Variants in ACSL1 observed in about 807,000 individuals in gnomAD.
ACSL1 encodes the protein long-chain-fatty-acid--CoA ligase 1.
Under a neutral mutation model 98.4 loss-of-function variants are expected in ACSL1, and 41 were observed. That is an observed-to-expected ratio of 0.42 (90% CI 0.32 to 0.54). The LOEUF is 0.54. Ranked by LOEUF, ACSL1 falls within the 20% of genes least tolerant of loss-of-function variation. The pLI is 0.13. For synonymous variants in ACSL1, 316 were observed against 322.7 expected (o/e 0.98, Z 0.22); for missense variants, 734 against 883.1 (o/e 0.83, Z 2.14).
chr4:184,826,064 A>G (rs1773469763), upstream of ACSL1: 1 of 138,642 alleles, frequency 7.2e-6, no homozygotes, highest in Non-Finnish European at 1.6e-5. Flanking sequence ...CTGAGCCAGG[A>G]TGCTGCTGGT....
chr4:184,766,114 G>GCCCTCATGAT lies in ACSL1; in HGVS notation c.1264-129_1264-128insATCATGAGGG. 1.3e-6 allele frequency: 1 copy of GCCCTCATGAT among 798,018 alleles called. No individual in the cohort carries two copies. Among genetic ancestry groups the GCCCTCATGAT allele is most frequent in the Non-Finnish European group, 2.0e-6 (1 of 494,616 alleles). The allele number at this position is 798,018 out of a possible 1,614,324, so 49.4% of individuals were successfully genotyped here. On this transcript the variant is annotated intron_variant, in intron 13 of 20. Transcript: ENST00000281455. This position sits in a 1 kb window ranked among gnomAD's most constrained non-coding sequence, Gnocchi z 4.8. ...GCTGCAGACCACACGGAGGCCACAC[G>GCCCTCATGAT]GAGAACTCACAGCCCTCATGATGGC... is the stretch of plus-strand genomic sequence containing the variant.
At chr4:184,801,879 C>T (rs1300287031) in intron 2 of ACSL1, among the ~76,000 whole-genome samples, 1 of 152,236 alleles carries the variant, frequency 6.6e-6, no homozygotes, top group African/African-American at 2.4e-5. Context: ...GTAAGTGCCC[C>T]CACAATTTCT....
rs777226318 is a variant in ACSL1 at position 184,773,849 on chromosome 4, C to A, written c.783G>T (p.Lys261Asn). 1.9e-6 allele frequency: 3 copies of A among 1,613,892 alleles called. No individual in the cohort carries two copies. The South Asian group carries it at 3.3e-5, about 18-fold the overall frequency. Reference sequence around the variant, plus strand: ...TCTGACACGGTGTGCTTACCTTGGGCTTCCGTCTGTTGGCTCTTCCCAGGT... The same window carrying A: ...TCTGACACGGTGTGCTTACCTTGGGATTCCGTCTGTTGGCTCTTCCCAGGT... Reference protein sequence around the residue: ...MEDLGRANRRKPKPPAPEDLA... With the variant: ...MEDLGRANRRNPKPPAPEDLA... The change falls in exon 8 of 21, where the codon AAG becomes AAT. Residue 261 changes from lysine (K) to asparagine (N), a missense_variant. Lys to Asn is a moderately conservative substitution (Grantham distance 94). Transcript: ENST00000281455. The surrounding 1 kb of genome is among the most constrained non-coding windows in gnomAD (Gnocchi z 4.3).
chr4:184,812,980 T>C (rs780246714), intron 1 of ACSL1, among the ~76,000 whole-genome samples: 14 of 152,090 alleles, frequency 9.2e-5, no homozygotes, highest in Non-Finnish European at 1.9e-4. Flanking sequence ...GGCGGCCACC[T>C]GAGATGTACG....
Position 184,760,357 on chromosome 4 carries a change from C to T in ACSL1, c.1782G>A (p.Gln594=). Residue 594 remains glutamine, a splice_region_variant and synonymous_variant, in exon 18 of 21, where the codon CAG becomes CAA. Coordinates refer to ENST00000281455, the MANE Select transcript of ACSL1 (RefSeq NM_001995.5). ...GATTCAAGACCCAGAAAGCACATACCTGCAGGCTTTCTCCGTGGACAAACA... is the reference window on the plus strand; with the variant it reads ...GATTCAAGACCCAGAAAGCACATACTTGCAGGCTTTCTCCGTGGACAAACA... ...AQVFVHGESL[Q]AFLIAIVVPD... 1 of 1,614,068 alleles carries T rather than the reference C, an allele frequency of 6.2e-7. No individual in the cohort carries two copies. Among genetic ancestry groups the T allele is most frequent in the Non-Finnish European group, 8.5e-7 (1 of 1,179,968 alleles).
At position 184,773,099 on chromosome 4, in the gene ACSL1, AGCTGAACAATC is replaced by A; in HGVS notation, c.886_896del (p.Asp296PhefsTer15). The A allele has an allele frequency of 6.2e-7, 1 of 1,614,032 alleles. No homozygotes were observed. The highest frequency in any genetic ancestry group is 8.5e-7 in the Non-Finnish European group (1 of 1,179,874). On this transcript the variant is annotated frameshift_variant, in exon 10 of 21. Transcript: ENST00000281455. LOFTEE classifies it high-confidence loss of function. This position sits in a 1 kb window ranked among gnomAD's most constrained non-coding sequence, Gnocchi z 4.3. Reference sequence around the variant, plus strand: ...AAGTTACCTCTGTTGCTTTCACAAAAGCTGAACAATCGCTCACTATGTTTCGGTGAGTGACC... The same window carrying A: ...AAGTTACCTCTGTTGCTTTCACAAAAGCTCACTATGTTTCGGTGAGTGACC...
intron 1 of ACSL1, chr4:184,815,147 C>T (rs569195165): frequency 6.6e-6 from 3 of 455,346 alleles, no homozygotes; most frequent in Non-Finnish European, 1.3e-5. Context: ...AAACAGTACG[C>T]ATGCACCAGG....
In ACSL1 at chr4:184,757,138, G is replaced by A. The variant is rs535782938; in HGVS notation, c.2084C>T (p.Thr695Ile). The change falls in exon 21 of 21, where the codon ACT becomes ATT. Residue 695 changes from threonine to isoleucine, a missense_variant. By Grantham distance (89) the Thr-to-Ile change is moderately conservative (BLOSUM62 -1). Transcript: ENST00000281455. This position sits in a 1 kb window ranked among gnomAD's most constrained non-coding sequence, Gnocchi z 4.5. ...FRSQIDDLYS[T>I]IKV Reference sequence around the variant, plus strand: ...TTCTTCTTCACACTAAACCTTGATAGTGGAATAGAGGTCATCTATCTGCGA... The same window carrying A: ...TTCTTCTTCACACTAAACCTTGATAATGGAATAGAGGTCATCTATCTGCGA... 1.0e-5 allele frequency: 16 copies of A among 1,591,558 alleles called. 1 individual carries two copies. Among genetic ancestry groups the A allele is most frequent in the South Asian group, 1.0e-4 (9 of 90,118 alleles).
Position 184,809,616 on chromosome 4 carries a change from C to T in ACSL1, c.-32-6070G>A, listed in dbSNP as rs1449613358. ...GACCATCCTGGCTAACACGGTGAAA[C>T]TCCATCTCTACTAAAAATACAAAAA... On this transcript the variant is annotated intron_variant, in intron 1 of 20. Transcript: ENST00000281455. Among the ~76,000 whole-genome samples, 62 of 151,548 alleles carry T rather than the reference C, an allele frequency of 4.1e-4. 1 individual carries two copies. Among genetic ancestry groups the T allele is most frequent in the Admixed American group, 4.1e-3 (62 of 15,240 alleles).
intron 3 of ACSL1, chr4:184,788,239 G>T (rs1767737012): frequency 8.4e-6 from 3 of 355,714 alleles, no homozygotes; most frequent in African/African-American, 4.3e-5. Flanking sequence ...GCCATCCTGG[G>T]ATGTCAGTAT....
At chr4:184,772,971 G>T in intron 10 of ACSL1, 110 bp downstream of exon 10, 1 of 1,001,514 alleles carries the variant, frequency 1.0e-6, no homozygotes, top group South Asian at 1.5e-5. Context: ...ATGTCACATC[G>T]TTTCTAAATG....
intron 10 of ACSL1, among the ~76,000 whole-genome samples, chr4:184,770,776 C>T (rs1275967554): frequency 6.6e-6 from 1 of 152,082 alleles, no homozygotes; most frequent in Non-Finnish European, 1.5e-5. Context: ...AGTACCTCAA[C>T]ACTGAGGAGA....
chr4:184,810,463 A>G (rs980246176), intron 1 of ACSL1, among the ~76,000 whole-genome samples: 4 of 152,212 alleles, frequency 2.6e-5, no homozygotes, highest in Non-Finnish European at 5.9e-5. Flanking sequence ...ATTAAAAGAC[A>G]TAACATAAAT....
Position 184,770,472 on chromosome 4 carries a change from G to A in ACSL1, c.920C>T (p.Thr307Ile), listed in dbSNP as rs1485539460. Residue 307 changes from threonine to isoleucine, a missense_variant, in exon 11 of 21, where the codon ACA becomes ATA. By Grantham distance (89) the Thr-to-Ile change is moderately conservative. Coordinates refer to ENST00000281455, the MANE Select transcript of ACSL1 (RefSeq NM_001995.5). ...CSAFVKATENTVNPCPDDTLI... is the reference protein window; with the variant it reads ...CSAFVKATENIVNPCPDDTLI... Reference sequence around the variant, plus strand: ...AGTATCATCTGGGCAAGGATTGACTGTATTCTGTAAGCAAAGACACCAGCA... The same window carrying A: ...AGTATCATCTGGGCAAGGATTGACTATATTCTGTAAGCAAAGACACCAGCA... 9.2e-6 allele frequency: 14 copies of A among 1,514,804 alleles called. No homozygotes were observed. Among genetic ancestry groups the A allele is most frequent in the East Asian group, 2.7e-5 (1 of 37,110 alleles). The allele number at this position is 1,514,804 out of a possible 1,614,324, so 93.8% of individuals were successfully genotyped here.
intron 11 of ACSL1, among the ~76,000 whole-genome samples, chr4:184,769,448 C>T (rs1010936217): frequency 6.6e-5 from 10 of 152,230 alleles, no homozygotes; most frequent in African/African-American, 2.4e-4. Context: ...GAGAAAGGTA[C>T]ACCATGGTTC....
chr4:184,776,439 C>A, intron 7 of ACSL1, 45 bp downstream of exon 7: 1 of 1,585,376 alleles, frequency 6.3e-7, no homozygotes, highest in Non-Finnish European at 8.6e-7. Context: ...GCCAACACGG[C>A]CCCAGGGAAA....
In ACSL1 at chr4:184,766,134, G is replaced by T; in HGVS notation, c.1264-148C>A. 1 of 704,920 alleles carries T rather than the reference G, an allele frequency of 1.4e-6. No homozygotes were observed. Among genetic ancestry groups the T allele is most frequent in the Non-Finnish European group, 2.4e-6 (1 of 416,018 alleles). 43.7% of individuals were successfully genotyped at this position (704,920 alleles called of 1,614,324 possible). ...CACACGGAGAACTCACAGCCCTCAT[G>T]ATGGCAGCACAGGGCTACGGTTTGT... is the stretch of plus-strand genomic sequence containing the variant. On this transcript the variant is annotated intron_variant, in intron 13 of 20. Coordinates refer to ENST00000281455, the MANE Select transcript of ACSL1 (RefSeq NM_001995.5). The surrounding 1 kb of genome is among the most constrained non-coding windows in gnomAD (Gnocchi z 4.8).
Position 184,780,478 on chromosome 4 carries a change from T to A in ACSL1, c.376-45A>T, listed in dbSNP as rs73028576. The A allele has an allele frequency of 1.1e-3, 1,583 of 1,473,374 alleles. 9 individuals carry two copies. The African/African-American group carries it at 0.016, about 15-fold the overall frequency. 91.3% of individuals were successfully genotyped at this position (1,473,374 alleles called of 1,614,324 possible). On this transcript the variant is annotated intron_variant, in intron 4 of 20. Transcript: ENST00000281455. ...GTCAGAAGCAGCATTGGGCCCCAAC[T>A]CCAGAAACAAAGCTGACCAGACGGC...
intron 1 of ACSL1, among the ~76,000 whole-genome samples, chr4:184,809,889 C>T (rs535739220): frequency 9.9e-5 from 15 of 152,234 alleles, no homozygotes; most frequent in Non-Finnish European, 2.1e-4. Context: ...GGGTTTGGGG[C>T]ATCTCTACAG....
Sources: gnomAD v4.1 joint callset for allele counts (sites outside exome capture counted in the v4.1 genomes callset) on GRCh38, gnomAD v4.1.1 for gene constraint, Gnocchi (gnomAD v3.1) non-coding constraint, MANE v1.5 for transcripts, NCBI Gene and HGNC (gene_info 2026-07-23, HGNC 2026-07-21) for gene names.